The following DIP2C variants were observed in gnomAD, a reference collection of about 807,000 sequenced individuals.
DIP2C encodes the protein disco-interacting protein 2 homolog C.
Under a neutral mutation model 192.4 loss-of-function variants are expected in DIP2C, and 33 were observed. The observed-to-expected ratio is 0.17, with a 90% CI of 0.13 to 0.23. The LOEUF is 0.23. Ranked by LOEUF, DIP2C falls within the 10% of genes least tolerant of loss-of-function variation. The pLI, the probability that DIP2C is intolerant of heterozygous loss-of-function variation, is 1.00. For synonymous variants in DIP2C, 979 were observed against 864.1 expected, an observed-to-expected ratio of 1.13 and a Z score of -2.33; for missense variants, 1,537 against 2,110.1, an observed-to-expected ratio of 0.73 and a Z score of 5.32.
chr10:556,215 G>A (rs188671720), intron 1 of DIP2C, among the ~76,000 whole-genome samples: 3 of 32,346 alleles, frequency 9.3e-5, no homozygotes, highest in South Asian at 1.5e-3. Flanking sequence ...TCCCACAGCC[G>A]GATCCCAGGA....
intron 3 of DIP2C, among the ~76,000 whole-genome samples, chr10:445,040 CTG>C (rs1432512395): frequency 3.3e-5 from 5 of 152,246 alleles, no homozygotes; most frequent in African/African-American, 1.2e-4. Flanking sequence ...CTCCATCAGT[CTG>C]AGATCCAGCC....
chr10:465,270 G>A (rs1970112263), intron 3 of DIP2C, among the ~76,000 whole-genome samples: 1 of 145,280 alleles, frequency 6.9e-6, no homozygotes, highest in African/African-American at 2.6e-5. Flanking sequence ...CATATAAACA[G>A]AGCCAAAGAC....
intron 1 of DIP2C, among the ~76,000 whole-genome samples, chr10:489,368 G>A (rs1055268204): frequency 6.6e-6 from 1 of 152,238 alleles, no homozygotes; most frequent in Non-Finnish European, 1.5e-5. Context: ...ATAGGTGACA[G>A]GTAGATAATA....
At chr10:634,762 AAAAAAG>A (rs368236289) in intron 1 of DIP2C, among the ~76,000 whole-genome samples, 89 of 152,236 alleles carry the variant, frequency 5.8e-4, no homozygotes, top group African/African-American at 1.5e-3. Context: ...AAAAATAAAA[AAAAAAG>A]AAAAAGAAAA....
intron 18 of DIP2C, 132 bp from the exon 19 acceptor site, chr10:366,543 T>G: frequency 7.9e-7 from 1 of 1,259,670 alleles, no homozygotes; most frequent in Non-Finnish European, 1.1e-6. Context: ...GCACGGATGG[T>G]AGTCAGCCAG....
At chr10:659,357 TAC>T (rs1478131238) in intron 1 of DIP2C, among the ~76,000 whole-genome samples, 2 of 152,292 alleles carry the variant, frequency 1.3e-5, no homozygotes, top group South Asian at 2.1e-4. Context: ...ATACATGCAA[TAC>T]ACACTTTCAT....
At chr10:295,212 G>T (rs1955690613) in intron 32 of DIP2C, among the ~76,000 whole-genome samples, 1 of 152,024 alleles carries the variant, frequency 6.6e-6, no homozygotes, top group South Asian at 2.1e-4. Flanking sequence ...TATACTTATT[G>T]TTACTAGGGA....
At chr10:278,975 C>T (rs1177360622) in intron 36 of DIP2C, among the ~76,000 whole-genome samples, 1 of 152,108 alleles carries the variant, frequency 6.6e-6, no homozygotes, top group Non-Finnish European at 1.5e-5. Flanking sequence ...CAGCTTGAGG[C>T]AGGAGATATT....
intron 8 of DIP2C, among the ~76,000 whole-genome samples, chr10:411,603 A>G (rs1017756416): frequency 6.6e-6 from 1 of 152,120 alleles, no homozygotes; most frequent in Admixed American, 6.5e-5. Context: ...GTATTAGAAC[A>G]ATTCTCATTC....
chr10:484,000 G>C (rs1419634987), intron 2 of DIP2C, among the ~76,000 whole-genome samples: 1 of 152,032 alleles, frequency 6.6e-6, no homozygotes, highest in African/African-American at 2.4e-5. Context: ...TGTAGAGACG[G>C]GGACTCCCTT....
chr10:326,727 C>T (rs547913565), intron 31 of DIP2C, among the ~76,000 whole-genome samples: 4 of 152,136 alleles, frequency 2.6e-5, no homozygotes, highest in Non-Finnish European at 4.4e-5. Flanking sequence ...TTTAAAAAGT[C>T]GAACAGCAGA....
At chr10:361,269 T>C (rs572252112) in intron 22 of DIP2C, among the ~76,000 whole-genome samples, 3 of 152,282 alleles carry the variant, frequency 2.0e-5, no homozygotes, top group African/African-American at 7.2e-5. Flanking sequence ...TGGGCCACTA[T>C]TCCCCAGCTA....
rs532932780 is a variant in DIP2C, at chr10:416,750, C to T, written c.740-862G>A. Among the ~76,000 whole-genome samples, 3 of 152,162 alleles carry T rather than the reference C, an allele frequency of 2.0e-5. No individual in the cohort carries two copies. The South Asian group carries it at 6.2e-4, about 32-fold the overall frequency. ...AGACAGAGGACCAAGACGCTGATGCCACAACTAGATCAAAAGCGTCCTCCT... is the reference window on the plus strand; with the variant it reads ...AGACAGAGGACCAAGACGCTGATGCTACAACTAGATCAAAAGCGTCCTCCT... On this transcript the variant is annotated intron_variant, in intron 6 of 36. Transcript: ENST00000280886.
intron 1 of DIP2C, among the ~76,000 whole-genome samples, chr10:532,373 G>A (rs954862246): frequency 6.6e-6 from 1 of 152,146 alleles, no homozygotes; most frequent in African/African-American, 2.4e-5. Flanking sequence ...TGAGGCCCAG[G>A]GTAGCCTTAA....
rs1426511115 is a variant in DIP2C at position 593,696 on chromosome 10, C to CA, written c.85+95797dup. Among the ~76,000 whole-genome samples the CA allele has an allele frequency of 2.6e-5, 4 of 152,276 alleles. No individual in the cohort carries two copies. In the East Asian group the frequency reaches 5.8e-4, roughly 22 times the overall value. On this transcript the variant is annotated intron_variant, in intron 1 of 36. Coordinates refer to ENST00000280886, the MANE Select transcript of DIP2C (RefSeq NM_014974.3). ...CAGATGCTCTGCACACGGCCTGGGG[C>CA]ACCACCTGAACACAGCAAGTGCTGA...
chr10:419,334 C>A, intron 5 of DIP2C, 135 bp from the exon 6 acceptor site: 1 of 1,265,054 alleles, frequency 7.9e-7, no homozygotes, highest in Non-Finnish European at 1.1e-6. Flanking sequence ...GAGCCGATCT[C>A]AGCCGCATCT....
At chr10:311,431 G>A (rs184297015) in intron 31 of DIP2C, 41 of 1,039,558 alleles carry the variant, frequency 3.9e-5, no homozygotes, top group South Asian at 4.9e-5. Context: ...GCAGACCCCC[G>A]GCCAATCTCT....
chr10:592,465 A>C (rs541245092), intron 1 of DIP2C, among the ~76,000 whole-genome samples: 2 of 151,544 alleles, frequency 1.3e-5, no homozygotes, highest in South Asian at 2.1e-4. Flanking sequence ...CCCACCATGG[A>C]ATATTCCTCA....
chr10:424,227 A>G (rs757425338), intron 4 of DIP2C, among the ~76,000 whole-genome samples: 3 of 152,158 alleles, frequency 2.0e-5, no homozygotes, highest in Admixed American at 2.0e-4. Context: ...TTAAAAGATA[A>G]TAATTGCAAA....
Sources: gnomAD v4.1 joint callset for allele counts (sites outside exome capture counted in the v4.1 genomes callset) on GRCh38, gnomAD v4.1.1 for gene constraint, MANE v1.5 for transcripts, NCBI Gene and HGNC (gene_info 2026-07-23, HGNC 2026-07-21) for gene names.